The following ZNF44 variants were observed in gnomAD, a reference collection of about 807,000 sequenced individuals.
ZNF44 encodes the protein gonadotropin inducible transcription repressor-2.
ZNF44 carries 9 observed loss-of-function variants against 11.7 expected under a neutral mutation model. That is an observed-to-expected ratio of 0.77 (90% CI 0.46 to 1.35). The LOEUF is 1.35. Among genes scored for constraint, ZNF44 ranks in the 40% most tolerant of loss-of-function variants. ZNF44 has a pLI of 0.00. For synonymous variants in ZNF44, 224 were observed against 242.7 expected (o/e 0.92, Z 0.72); for missense variants, 696 against 743.1 (o/e 0.94, Z 0.74).
At chr19:12,264,355 C>A (rs1040515225) in intron 5 of ZNF44, among the ~76,000 whole-genome samples, 8 of 152,202 alleles carry the variant, frequency 5.3e-5, no homozygotes, top group Non-Finnish European at 8.8e-5. Context: ...GTCTTAATTA[C>A]TTCCCTTGGC....
At chr19:12,250,639 C>G (rs1242327644) in intron 5 of ZNF44, 1 of 391,020 alleles carries the variant, frequency 2.6e-6, no homozygotes, top group Admixed American at 3.1e-5. Context: ...AAATGCTGTA[C>G]AAAAAAATTC....
chr19:12,276,989 C>G (rs1967255554), intron 1 of ZNF44, among the ~76,000 whole-genome samples: 1 of 152,032 alleles, frequency 6.6e-6, no homozygotes, highest in Admixed American at 6.6e-5. Flanking sequence ...CTTGATCTTC[C>G]CAGCTTTCAG....
chr19:12,285,434 A>G (rs769635603), intron 1 of ZNF44, among the ~76,000 whole-genome samples: 1 of 152,188 alleles, frequency 6.6e-6, no homozygotes, highest in Non-Finnish European at 1.5e-5. Context: ...TTGTGCTTTT[A>G]GTAGAAATGG....
chr19:12,229,679 T>C (rs1916075033), intron 3 of ZNF44, among the ~76,000 whole-genome samples: 1 of 151,926 alleles, frequency 6.6e-6, no homozygotes, highest in Non-Finnish European at 1.5e-5. Context: ...AGTGGCGTGA[T>C]CTCTGCTCAC....
At chr19:12,280,476 T>C (rs1384561383) in intron 1 of ZNF44, among the ~76,000 whole-genome samples, 1 of 151,862 alleles carries the variant, frequency 6.6e-6, no homozygotes, top group Non-Finnish European at 1.5e-5. Flanking sequence ...TATAGATATA[T>C]AATATAGAAA....
exon 8 of ZNF44, chr19:12,247,746 C>T (rs1916816445): frequency 7.5e-7 from 1 of 1,324,870 alleles, no homozygotes; most frequent in South Asian, 1.2e-5. Flanking sequence ...GTAGTAGTAT[C>T]TAAATGCTTT....
At chr19:12,293,776 C>T (rs1242694368) in intron 1 of ZNF44, among the ~76,000 whole-genome samples, 1 of 151,994 alleles carries the variant, frequency 6.6e-6, no homozygotes, top group Non-Finnish European at 1.5e-5. Flanking sequence ...CTTTGAAAGC[C>T]TCGGAGGAGA....
At chr19:12,251,992 C>G (rs1917020174) in intron 5 of ZNF44, among the ~76,000 whole-genome samples, 1 of 149,570 alleles carries the variant, frequency 6.7e-6, no homozygotes, top group Non-Finnish European at 1.5e-5. Flanking sequence ...CAGAGGTTGC[C>G]GTGAGCCTAG....
At chr19:12,281,681 C>T (rs1019449748) in intron 1 of ZNF44, among the ~76,000 whole-genome samples, 4 of 151,966 alleles carry the variant, frequency 2.6e-5, no homozygotes, top group African/African-American at 9.7e-5. Flanking sequence ...GCCAAGTTAA[C>T]TCAGAAAAAA....
At chr19:12,245,616 C>G (rs1568425531), downstream of ZNF44, among the ~76,000 whole-genome samples, 3 of 152,216 alleles carry the variant, frequency 2.0e-5, no homozygotes, top group East Asian at 5.8e-4. Context: ...ACAGTTATTA[C>G]CAGTATTAAC....
At chr19:12,255,952 C>G (rs1320434965) in intron 5 of ZNF44, among the ~76,000 whole-genome samples, 1 of 143,618 alleles carries the variant, frequency 7.0e-6, no homozygotes, top group African/African-American at 2.6e-5. Flanking sequence ...AGGAGAATTG[C>G]TTGAACCTGG....
chr19:12,236,648 G>A (rs1916400778), intron 1 of ZNF44, among the ~76,000 whole-genome samples: 1 of 152,106 alleles, frequency 6.6e-6, no homozygotes, highest in South Asian at 2.1e-4. Context: ...ATGAAGCGAA[G>A]GTAGGACAGA....
At chr19:12,247,716 C>G (rs938563577) in exon 8 of ZNF44, 2 of 1,342,282 alleles carry the variant, frequency 1.5e-6, no homozygotes, top group Non-Finnish European at 2.0e-6. Context: ...AGTATGAGTC[C>G]TTTCATGTCT....
chr19:12,294,818 C>G lies in ZNF44; in HGVS notation c.-124G>C, dbSNP rs1449238462. The G allele has an allele frequency of 8.3e-7, 1 of 1,207,082 alleles. No homozygotes were observed. Among genetic ancestry groups the G allele is most frequent in the African/African-American group, 1.6e-5 (1 of 61,562 alleles). 74.8% of individuals were successfully genotyped at this position (1,207,082 alleles called of 1,614,324 possible). ...GTGACAGAATACGGAACAGAGGTCA[C>G]CAGGGTGAAGAGGCCACTAGCTCCT... On this transcript the variant is annotated 5_prime_UTR_variant, in exon 1 of 4. Transcript: ENST00000355684.
At chr19:12,258,816 G>A (rs769985560) in intron 5 of ZNF44, among the ~76,000 whole-genome samples, 42 of 151,980 alleles carry the variant, frequency 2.8e-4, no homozygotes, top group Non-Finnish European at 5.0e-4. Context: ...GTGACAGAGC[G>A]AGACTCTGTC....
chr19:12,272,650 C>A lies in ZNF44; in HGVS notation c.1605G>T (p.Lys535Asn), dbSNP rs1171883696. 1 of 1,613,484 alleles carries A rather than the reference C, an allele frequency of 6.2e-7. No homozygotes were observed. Among genetic ancestry groups the A allele is most frequent in the Non-Finnish European group, 8.5e-7 (1 of 1,179,776 alleles). The change falls in exon 4 of 4, where the codon AAG (lysine) becomes AAT (asparagine). Residue 535 changes from lysine to asparagine, a missense_variant. Coordinates refer to ENST00000355684, the MANE Select transcript of ZNF44 (RefSeq NM_016264.4). Reference protein sequence around the residue: ...THTAEKPYECKQCRKAFFWPS... With the variant: ...THTAEKPYECNQCRKAFFWPS... ...GCCAAAAGAATGCTTTCCTGCATTG[C>A]TTACATTCATATGGCTTCTCTGCCG...
Position 12,275,987 on chromosome 19 carries a change from C to T in ZNF44, c.99G>A (p.Met33Ile). The T allele has an allele frequency of 6.2e-7, 1 of 1,608,328 alleles. No homozygotes were observed. Among genetic ancestry groups the T allele is most frequent in the South Asian group, 1.1e-5 (1 of 91,034 alleles). Residue 33 changes from methionine (M) to isoleucine (I), a missense_variant, in exon 2 of 4, where the codon ATG (methionine) becomes ATA (isoleucine). Transcript: ENST00000355684. ...AGTTCAGGTTCCTAATGGTTTCTCG[C>T]ATCACATCTCTGTAGAGATTCTTCT... ...PSQKNLYRDV[M>I]RETIRNLNCI...
rs1400609545 is a variant in ZNF44 at position 12,272,237 on chromosome 19, T to A, written c.*170A>T. 1.3e-5 allele frequency: 15 copies of A among 1,153,642 alleles called. No homozygotes were observed. Among genetic ancestry groups the A allele is most frequent in the Non-Finnish European group, 1.5e-5 (14 of 903,454 alleles). The allele number at this position is 1,153,642 out of a possible 1,614,324, so 71.5% of individuals were successfully genotyped here. On this transcript the variant is annotated 3_prime_UTR_variant, in exon 4 of 4. Coordinates refer to ENST00000355684, the MANE Select transcript of ZNF44 (RefSeq NM_016264.4). ...CCAGGCTGGTCTCGATCTCCTGGCC[T>A]CGTGATCTGCCCTCCTCGGCCTCTC...
intron 1 of ZNF44, among the ~76,000 whole-genome samples, chr19:12,288,249 G>A (rs905468401): frequency 6.6e-6 from 1 of 152,118 alleles, no homozygotes; most frequent in Non-Finnish European, 1.5e-5. Context: ...ACAAGTTGAA[G>A]AACTCAGTTA....
Sources: allele counts gnomAD v4.1 joint callset (sites outside exome capture counted in the v4.1 genomes callset), GRCh38; gene constraint gnomAD v4.1.1; transcripts MANE v1.5; gene names NCBI Gene and HGNC (gene_info 2026-07-23, HGNC 2026-07-21).